The following BRSK1 variants were observed in gnomAD, a reference collection of about 807,000 sequenced individuals.
BRSK1 encodes BR serine/threonine kinase 1, also known as serine/threonine-protein kinase BRSK1.
A neutral mutation model predicts 86.2 loss-of-function variants in BRSK1; 17 were observed. The ratio of observed to expected loss-of-function variants is 0.20; its 90% CI spans 0.14 to 0.30. BRSK1 has a LOEUF of 0.30. Among genes scored for constraint, BRSK1 ranks in the 10% least tolerant of loss-of-function variants. The probability of loss-of-function intolerance (pLI) is 1.00; values close to 1 mark genes in which losing one functional copy is unlikely to be tolerated. For missense variants in BRSK1, 719 were observed against 1,071.9 expected (o/e 0.67, Z 4.60); for synonymous variants, 464 against 440.1 (o/e 1.05, Z -0.68).
chr19:55,299,380 T>G (rs534174471), intron 7 of BRSK1, among the ~76,000 whole-genome samples: 12 of 150,928 alleles, frequency 8.0e-5, no homozygotes, highest in Non-Finnish European at 1.5e-4. Context: ...GGTTTTTTTT[T>G]TTGTTTTGTT....
intron 1 of BRSK1, among the ~76,000 whole-genome samples, chr19:55,286,694 C>T (rs567649575): frequency 4.1e-5 from 6 of 148,114 alleles, no homozygotes; most frequent in Non-Finnish European, 4.4e-5. Context: ...CGGGGAGACA[C>T]GGTGAGGAAA....
intron 4 of BRSK1, among the ~76,000 whole-genome samples, chr19:55,292,509 A>T (rs1600174873): frequency 1.3e-5 from 2 of 152,074 alleles, no homozygotes; most frequent in African/African-American, 4.8e-5. Flanking sequence ...CTTTCTCTCC[A>T]GTTTTGGGCA....
rs116589424 is a variant in BRSK1, at chr19:55,289,201, C to T, written c.318-279C>T. 3.7e-3 allele frequency among the ~76,000 whole-genome samples: 562 copies of T among 152,190 alleles called. 2 individuals carry two copies. Among genetic ancestry groups the T allele is most frequent in the African/African-American group, 0.012 (506 of 41,516 alleles). ...GAAGCTGACATGGGAGGCTCTACTG[C>T]CCAGGGCTAATGGGACTTGAGTTTG... is the stretch of plus-strand genomic sequence containing the variant. On this transcript the variant is annotated intron_variant, in intron 3 of 18. Transcript: ENST00000309383.
In BRSK1 at chr19:55,302,270, A is replaced by T; in HGVS notation, c.857+102A>T. 16 of 1,371,374 alleles carry T rather than the reference A, an allele frequency of 1.2e-5. No individual in the cohort carries two copies. In the South Asian group the frequency reaches 1.9e-4, roughly 16 times the overall value. 85.0% of individuals were successfully genotyped at this position (1,371,374 alleles called of 1,614,324 possible). ...GGGGTGGGATGCCAGGGTTCCTGAG[A>T]GGCAACGGGCTAGGGACTCGGACTT... On this transcript the variant is annotated intron_variant, in intron 9 of 18. Transcript: ENST00000309383. This position sits in a 1 kb window ranked among gnomAD's most constrained non-coding sequence, Gnocchi z 6.3.
chr19:55,286,955 G>C, intron 1 of BRSK1, 52 bp from the exon 2 acceptor site: 3 of 1,575,118 alleles, frequency 1.9e-6, no homozygotes, highest in South Asian at 1.1e-5. Flanking sequence ...ATAGGCGCTG[G>C]GGACGAAGGG....
rs776591417 is a variant in BRSK1, at chr19:55,301,668, G to T, written c.825+10G>T. The T allele has an allele frequency of 3.1e-6, 5 of 1,609,248 alleles. No homozygotes were observed. Among genetic ancestry groups the T allele is most frequent in the African/African-American group, 1.3e-5 (1 of 74,950 alleles). On this transcript the variant is annotated intron_variant, in intron 8 of 18. Transcript: ENST00000309383. The stretch of plus-strand genomic sequence containing the variant: ...CGAAAAAAGGCTCAGTGTGAGTTGA[G>T]GGGGGGACCGGCGGAGGGGGGAACA...
rs372052269 is a variant in BRSK1, at chr19:55,312,533, C to CAAAAAAAAAA, written c.*485_*494dup. On this transcript the variant is annotated 3_prime_UTR_variant, in exon 19 of 19. Coordinates refer to ENST00000309383, the MANE Select transcript of BRSK1 (RefSeq NM_032430.2). ...TCCGTGTCTCTGATTCCGCCGGCGG[C>CAAAAAAAAAA]AAAAAAAAAAAAAAAAAAAAAAAAA... The CAAAAAAAAAA allele has an allele frequency of 7.8e-4, 20 of 25,712 alleles. No homozygotes were observed. The highest frequency in any genetic ancestry group is 9.4e-4 in the Non-Finnish European group (15 of 16,030). The allele number at this position is 25,712 out of a possible 1,614,324, so 1.6% of individuals were successfully genotyped here. A position where few individuals can be genotyped will look rare whatever the true frequency, so the allele number is the denominator to read the frequency against.
Position 55,304,229 on chromosome 19 carries a change from G to A in BRSK1, c.1347+119G>A. The A allele has an allele frequency of 2.7e-6, 3 of 1,093,410 alleles. No homozygotes were observed. The highest frequency in any genetic ancestry group is 5.3e-5 in the Admixed American group (2 of 37,796). The allele number at this position is 1,093,410 out of a possible 1,614,324, so 67.7% of individuals were successfully genotyped here. On this transcript the variant is annotated intron_variant, in intron 13 of 18. Coordinates refer to ENST00000309383, the MANE Select transcript of BRSK1 (RefSeq NM_032430.2). This position sits in a 1 kb window ranked among gnomAD's most constrained non-coding sequence, Gnocchi z 5.2. Reference sequence around the variant, plus strand: ...CTTGAGACTTGCTTCTTTGTCCCTGGAGGGCCAAAGACCCAAGGCCTCCAA... The same window carrying A: ...CTTGAGACTTGCTTCTTTGTCCCTGAAGGGCCAAAGACCCAAGGCCTCCAA...
chr19:55,301,677 C>G lies in BRSK1; in HGVS notation c.825+19C>G, dbSNP rs1341888550. ...GCTCAGTGTGAGTTGAGGGGGGGAC[C>G]GGCGGAGGGGGGAACAGTGGCCGAT... On this transcript the variant is annotated intron_variant, in intron 8 of 18. Coordinates refer to ENST00000309383, the MANE Select transcript of BRSK1 (RefSeq NM_032430.2). 1.9e-6 allele frequency: 3 copies of G among 1,605,428 alleles called. No individual in the cohort carries two copies. Among genetic ancestry groups the G allele is most frequent in the East Asian group, 2.2e-5 (1 of 44,656 alleles).
In BRSK1 at chr19:55,304,992, C is replaced by G; in HGVS notation, c.1717+72C>G. The G allele has an allele frequency of 6.3e-7, 1 of 1,575,900 alleles. No individual in the cohort carries two copies. Among genetic ancestry groups the G allele is most frequent in the Non-Finnish European group, 8.6e-7 (1 of 1,168,378 alleles). Reference sequence around the variant, plus strand: ...GCTAAAAATCTGGTTCCAGGGATGTCCGTCTGGCGTGTCTAGAGAGGAAGG... The same window carrying G: ...GCTAAAAATCTGGTTCCAGGGATGTGCGTCTGGCGTGTCTAGAGAGGAAGG... On this transcript the variant is annotated intron_variant, in intron 14 of 18. Coordinates refer to ENST00000309383, the MANE Select transcript of BRSK1 (RefSeq NM_032430.2). The surrounding 1 kb of genome is among the most constrained non-coding windows in gnomAD (Gnocchi z 5.2).
intron 7 of BRSK1, among the ~76,000 whole-genome samples, chr19:55,297,484 G>C (rs952678628): frequency 3.9e-4 from 60 of 152,206 alleles, no homozygotes; most frequent in African/African-American, 1.4e-3. Context: ...TAAGCCGCAG[G>C]CCTGGGGTCA....
chr19:55,312,380 GC>G lies in BRSK1; in HGVS notation c.*315del, dbSNP rs1485764683. ...GGGTGGCTTAGCAGATCCGGACAGG[GC>G]CCTCTGTCCCTGTGTCGTCCCCAAC... On this transcript the variant is annotated 3_prime_UTR_variant, in exon 19 of 19. Coordinates refer to ENST00000309383, the MANE Select transcript of BRSK1 (RefSeq NM_032430.2). 5.0e-6 allele frequency: 1 copy of G among 198,152 alleles called. No homozygotes were observed. Among genetic ancestry groups the G allele is most frequent in the Non-Finnish European group, 1.0e-5 (1 of 99,088 alleles). The allele number at this position is 198,152 out of a possible 1,614,324, so 12.3% of individuals were successfully genotyped here. A position where few individuals can be genotyped will look rare whatever the true frequency, so the allele number is the denominator to read the frequency against.
Position 55,306,141 on chromosome 19 carries a change from T to C in BRSK1, c.1891-111T>C, listed in dbSNP as rs1342964447. 10 of 1,083,896 alleles carry C rather than the reference T, an allele frequency of 9.2e-6. No homozygotes were observed. Among genetic ancestry groups the C allele is most frequent in the Non-Finnish European group, 1.3e-5 (10 of 749,866 alleles). 67.1% of individuals were successfully genotyped at this position (1,083,896 alleles called of 1,614,324 possible). ...GGGCCTCCCAATGCATTTCCTGTCC[T>C]TCTTTCCCTCCAGTGGCTCATGGGA... On this transcript the variant is annotated intron_variant, in intron 16 of 18. Transcript: ENST00000309383. The surrounding 1 kb of genome is among the most constrained non-coding windows in gnomAD (Gnocchi z 4.7).
chr19:55,303,239 C>A lies in BRSK1; in HGVS notation c.1029-72C>A. ...GCAGAAATACAGGGAGCGGAGGAGA[C>A]CTCCTCTGAGCATTGATGTTGGACC... is the stretch of plus-strand genomic sequence containing the variant. On this transcript the variant is annotated intron_variant, in intron 10 of 18. Coordinates refer to ENST00000309383, the MANE Select transcript of BRSK1 (RefSeq NM_032430.2). The surrounding 1 kb of genome is among the most constrained non-coding windows in gnomAD (Gnocchi z 5.1). 8.2e-7 allele frequency: 1 copy of A among 1,215,736 alleles called. No homozygotes were observed. Among genetic ancestry groups the A allele is most frequent in the Non-Finnish European group, 1.2e-6 (1 of 820,430 alleles). 75.3% of individuals were successfully genotyped at this position (1,215,736 alleles called of 1,614,324 possible). A position where few individuals can be genotyped will look rare whatever the true frequency, so the allele number is the denominator to read the frequency against.
chr19:55,299,382 T>C (rs2088537624), intron 7 of BRSK1, among the ~76,000 whole-genome samples: 1 of 150,786 alleles, frequency 6.6e-6, no homozygotes, highest in East Asian at 1.9e-4. Context: ...TTTTTTTTTT[T>C]GTTTTGTTTT....
chr19:55,305,607 T>G (rs903764099), intron 16 of BRSK1, 21 bp downstream of exon 16: 1 of 1,613,606 alleles, frequency 6.2e-7, no homozygotes, highest in East Asian at 2.2e-5. Flanking sequence ...TGGGTCCCCA[T>G]CGAGCCTGGC....
chr19:55,303,304 G>A lies in BRSK1; in HGVS notation c.1029-7G>A. ...CCTCTTTCCACCTTTCCCACCCCCTGCCTTAGGGAGAACCAAGAAAAGATG... is the reference window on the plus strand; with the variant it reads ...CCTCTTTCCACCTTTCCCACCCCCTACCTTAGGGAGAACCAAGAAAAGATG... On this transcript the variant is annotated splice_polypyrimidine_tract_variant and splice_region_variant and intron_variant, in intron 10 of 18. Transcript: ENST00000309383. This position sits in a 1 kb window ranked among gnomAD's most constrained non-coding sequence, Gnocchi z 5.1. 6.2e-7 allele frequency: 1 copy of A among 1,611,636 alleles called. No individual in the cohort carries two copies. Among genetic ancestry groups the A allele is most frequent in the East Asian group, 2.2e-5 (1 of 44,872 alleles).
chr19:55,296,628 C>T (rs913052602), intron 7 of BRSK1, among the ~76,000 whole-genome samples: 2 of 152,082 alleles, frequency 1.3e-5, no homozygotes, highest in East Asian at 1.9e-4. Context: ...GGGCGGATCA[C>T]GAGGTCAGGA....
chr19:55,307,421 C>T (rs1028021396), intron 17 of BRSK1, among the ~76,000 whole-genome samples: 4 of 151,752 alleles, frequency 2.6e-5, no homozygotes, highest in African/African-American at 4.9e-5. Context: ...TGGTGGTGGG[C>T]TCCTGTAATC....
Sources: gnomAD v4.1 joint callset for allele counts (sites outside exome capture counted in the v4.1 genomes callset) on GRCh38, gnomAD v4.1.1 for gene constraint, Gnocchi (gnomAD v3.1) non-coding constraint, MANE v1.5 for transcripts, NCBI Gene and HGNC (gene_info 2026-07-23, HGNC 2026-07-21) for gene names.